The following METTL25 variants were observed in gnomAD, a reference collection of about 807,000 sequenced individuals.
The protein encoded by METTL25 is probable methyltransferase-like protein 25.
Under a neutral mutation model 71.6 loss-of-function variants are expected in METTL25, and 64 were observed. The observed-to-expected ratio is 0.89, with a 90% confidence interval of 0.73 to 1.10. The LOEUF (loss-of-function observed/expected upper bound fraction) is 1.10, where lower values mean the gene tolerates loss of function less well. Among genes scored for constraint, METTL25 ranks in the 50% least tolerant of loss-of-function variants. The pLI is 0.00. For synonymous variants in METTL25, 287 were observed against 250.3 expected, an observed-to-expected ratio of 1.15 and a Z score of -1.38; for missense variants, 807 against 707.0, an observed-to-expected ratio of 1.14 and a Z score of -1.60.
intron 6 of METTL25, among the ~76,000 whole-genome samples, 176 bp downstream of exon 6, chr12:82,431,163 A>C (rs1395325751): frequency 6.6e-6 from 1 of 151,420 alleles, no homozygotes; most frequent in Non-Finnish European, 1.5e-5. Flanking sequence ...TCCACTCTAC[A>C]TGCAGTGTCA....
At position 82,476,664 on chromosome 12, in the gene METTL25, G is replaced by T; in HGVS notation, c.1593G>T (p.Met531Ile). The T allele has an allele frequency of 6.3e-7, 1 of 1,598,638 alleles. No homozygotes were observed. The highest frequency in any genetic ancestry group is 1.1e-5 in the South Asian group (1 of 87,442). Residue 531 changes from methionine to isoleucine, a missense_variant, in exon 10 of 12, where the codon ATG becomes ATT. Met to Ile is a conservative substitution (Grantham distance 10). Coordinates refer to ENST00000248306, the MANE Select transcript of METTL25 (RefSeq NM_032230.3). ...DESKLPEKIIMNYYEKYKPRM... is the reference protein window; with the variant it reads ...DESKLPEKIIINYYEKYKPRM... ...TGAAGCTGCCAGAAAAAATTATAATGAACTACTACGAGAAGTATAAGCCTC... is the reference window on the plus strand; with the variant it reads ...TGAAGCTGCCAGAAAAAATTATAATTAACTACTACGAGAAGTATAAGCCTC...
intron 9 of METTL25, 36 bp from the exon 10 acceptor site, chr12:82,476,608 C>A (rs1410682528): frequency 5.3e-6 from 7 of 1,321,180 alleles, no homozygotes; most frequent in Non-Finnish European, 7.5e-6. Flanking sequence ...TATTTTTAAA[C>A]TATCGTTAAA....
chr12:82,471,154 AT>A (rs1892546559), intron 9 of METTL25, among the ~76,000 whole-genome samples: 1 of 152,176 alleles, frequency 6.6e-6, no homozygotes, highest in Non-Finnish European at 1.5e-5. Context: ...TGGCCTAAAT[AT>A]TTTTTTCATA....
intron 9 of METTL25, among the ~76,000 whole-genome samples, chr12:82,463,055 T>G (rs1891993689): frequency 6.6e-6 from 1 of 152,044 alleles, no homozygotes. Context: ...TCTCAAACAT[T>G]TATCATTCCT....
intron 9 of METTL25, among the ~76,000 whole-genome samples, chr12:82,471,849 CTT>C (rs1892588230): frequency 6.6e-6 from 1 of 152,020 alleles, no homozygotes; most frequent in African/African-American, 2.4e-5. Context: ...TCATAAGTCT[CTT>C]GGGTATCTTT....
At chr12:82,414,675 C>G (rs1337602085) in intron 5 of METTL25, among the ~76,000 whole-genome samples, 1 of 151,986 alleles carries the variant, frequency 6.6e-6, no homozygotes, top group Non-Finnish European at 1.5e-5. Flanking sequence ...AATATGAAAG[C>G]AAAGTTGACA....
In METTL25 at chr12:82,399,126, A is replaced by G; in HGVS notation, c.863A>G (p.Asn288Ser). ...GATTTTTCTGGCTCTGTAATTTCTA[A>G]TATCAGAAACCAAATGGAAACCCTT... ...LPDFSGSVIS[N>S]IRNQMETLHS... Residue 288 changes from asparagine to serine, a missense_variant, in exon 4 of 12, where the codon AAT (asparagine) becomes AGT (serine). Transcript: ENST00000248306. The G allele has an allele frequency of 3.1e-6, 5 of 1,613,794 alleles. No individual in the cohort carries two copies. The highest frequency in any genetic ancestry group is 4.2e-6 in the Non-Finnish European group (5 of 1,179,868).
chr12:82,363,848 A>T (rs1456700819), intron 1 of METTL25, among the ~76,000 whole-genome samples: 1 of 152,134 alleles, frequency 6.6e-6, no homozygotes, highest in Non-Finnish European at 1.5e-5. Context: ...ACCCGTATTT[A>T]GGAAAAAAAG....
chr12:82,360,568 G>GTT (rs1031859225), intron 1 of METTL25, among the ~76,000 whole-genome samples: 8 of 151,848 alleles, frequency 5.3e-5, no homozygotes, highest in Admixed American at 4.6e-4. Context: ...CCTCACTGAG[G>GTT]TGACTCTAAC....
At chr12:82,368,053 CATAAT>C (rs1021560879) in intron 1 of METTL25, among the ~76,000 whole-genome samples, 6 of 151,976 alleles carry the variant, frequency 3.9e-5, no homozygotes, top group African/African-American at 1.5e-4. Flanking sequence ...GAGTAGGCCC[CATAAT>C]AAATAATAGC....
At chr12:82,472,707 GTATC>G (rs1028321273) in intron 9 of METTL25, among the ~76,000 whole-genome samples, 4 of 151,952 alleles carry the variant, frequency 2.6e-5, no homozygotes, top group African/African-American at 9.7e-5. Context: ...GTTCTTTTTT[GTATC>G]TATCTCTTTA....
intron 5 of METTL25, among the ~76,000 whole-genome samples, chr12:82,421,452 G>A (rs550466716): frequency 3.3e-5 from 5 of 152,112 alleles, no homozygotes; most frequent in Non-Finnish European, 7.4e-5. Context: ...AACTTCATGA[G>A]ATCTAGATTT....
chr12:82,408,920 T>C (rs1310985006), intron 5 of METTL25, among the ~76,000 whole-genome samples: 1 of 152,158 alleles, frequency 6.6e-6, no homozygotes, highest in African/African-American at 2.4e-5. Flanking sequence ...TGTCCTTCTC[T>C]TAATATCTTA....
chr12:82,431,867 A>T lies in METTL25; in HGVS notation c.1374+880A>T, dbSNP rs140131485. On this transcript the variant is annotated intron_variant, in intron 6 of 11. Transcript: ENST00000248306. ...CATTAACCTACAGTTGGGCAAAATC[A>T]TCTAACACAAAGCCTGTTTTATAAT... Among the ~76,000 whole-genome samples, 6 of 151,782 alleles carry T rather than the reference A, an allele frequency of 4.0e-5. No homozygotes were observed. In the East Asian group the frequency reaches 1.2e-3, roughly 30 times the overall value.
chr12:82,412,913 C>T (rs910016007), intron 5 of METTL25, among the ~76,000 whole-genome samples: 3 of 151,672 alleles, frequency 2.0e-5, no homozygotes, highest in African/African-American at 7.3e-5. Flanking sequence ...CCCAGCATTG[C>T]ATGTTTATTA....
At chr12:82,451,955 T>C (rs934809213) in intron 8 of METTL25, among the ~76,000 whole-genome samples, 2 of 152,174 alleles carry the variant, frequency 1.3e-5, no homozygotes, top group Non-Finnish European at 2.9e-5. Context: ...GCTCTCCTTT[T>C]ATTATTTTCT....
At chr12:82,434,432 C>G (rs1193903942) in intron 6 of METTL25, among the ~76,000 whole-genome samples, 1 of 151,382 alleles carries the variant, frequency 6.6e-6, no homozygotes, top group African/African-American at 2.4e-5. Flanking sequence ...TTCTGAAATT[C>G]AAGGACTGTA....
At chr12:82,369,630 A>G (rs897203958) in intron 1 of METTL25, 3 of 273,546 alleles carry the variant, frequency 1.1e-5, no homozygotes, top group Non-Finnish European at 2.2e-5. Context: ...GATTGTGAAG[A>G]GTGAAAGAAC....
At chr12:82,361,299 T>G (rs986169275) in intron 1 of METTL25, among the ~76,000 whole-genome samples, 1 of 152,192 alleles carries the variant, frequency 6.6e-6, no homozygotes, top group Non-Finnish European at 1.5e-5. Context: ...ATCCCTTAGC[T>G]AGACATAAAG....
Sources: allele counts gnomAD v4.1 joint callset (sites outside exome capture counted in the v4.1 genomes callset), GRCh38; gene constraint gnomAD v4.1.1; transcripts MANE v1.5; gene names NCBI Gene and HGNC (gene_info 2026-07-23, HGNC 2026-07-21).